The following FILIP1L variants were observed in gnomAD, a reference collection of about 807,000 sequenced individuals.
The protein encoded by FILIP1L is filamin A interacting protein 1 like.
In FILIP1L, 55 loss-of-function variants were observed where a neutral mutation model predicts 96.6. That is an observed-to-expected ratio of 0.57 (90% CI 0.46 to 0.71). The LOEUF (loss-of-function observed/expected upper bound fraction) is 0.71. Among genes scored for constraint, FILIP1L ranks in the 30% least tolerant of loss-of-function variants. The pLI is 0.00. For missense variants in FILIP1L, 1,304 were observed against 1,321.2 expected (o/e 0.99, Z 0.20); for synonymous variants, 467 against 473.9 (o/e 0.99, Z 0.19).
intron 4 of FILIP1L, among the ~76,000 whole-genome samples, chr3:99,853,119 G>A (rs1943786178): frequency 6.6e-6 from 1 of 152,194 alleles, no homozygotes; most frequent in Admixed American, 6.5e-5. Flanking sequence ...AAGCATAGCA[G>A]CTTCTTCTCA....
intron 1 of FILIP1L, among the ~76,000 whole-genome samples, chr3:99,966,408 TC>T (rs1576606652): frequency 6.6e-6 from 1 of 152,160 alleles, no homozygotes; most frequent in African/African-American, 2.4e-5. Flanking sequence ...ATTTTTTTTT[TC>T]GGCTATATAT....
At chr3:100,036,717 GA>G (rs1214691051) in intron 1 of FILIP1L, among the ~76,000 whole-genome samples, 3 of 152,118 alleles carry the variant, frequency 2.0e-5, no homozygotes, top group Admixed American at 6.5e-5. Context: ...ATATCTCAAA[GA>G]ATTTTCCACA....
intron 5 of FILIP1L, among the ~76,000 whole-genome samples, chr3:99,835,679 T>C (rs1297738860): frequency 6.6e-6 from 1 of 152,156 alleles, no homozygotes; most frequent in Non-Finnish European, 1.5e-5. Flanking sequence ...TTAAGAAACA[T>C]TGATATAAGG....
chr3:99,942,248 G>A (rs1447263717), intron 1 of FILIP1L, among the ~76,000 whole-genome samples: 2 of 151,764 alleles, frequency 1.3e-5, no homozygotes, highest in East Asian at 3.9e-4. Context: ...ATGTGTTAAT[G>A]GCATTGTGTT....
intron 1 of FILIP1L, among the ~76,000 whole-genome samples, chr3:100,094,160 A>G (rs890696468): frequency 2.0e-5 from 3 of 151,930 alleles, no homozygotes; most frequent in African/African-American, 7.3e-5. Flanking sequence ...TTTGATTTTC[A>G]TTTGCATTTC....
At position 99,974,776 on chromosome 3, in the gene FILIP1L, CAT is replaced by C. The variant is rs139173930; in HGVS notation, c.-10-43748_-10-43747del. 8.7e-3 allele frequency among the ~76,000 whole-genome samples: 1,326 copies of C among 152,150 alleles called. 20 individuals are homozygous for C. Among genetic ancestry groups the C allele is most frequent in the African/African-American group, 0.026 (1,098 of 41,498 alleles). ...GTGGAAAAAACCTGTTGTTTGATGA[CAT>C]GTAGTTAAAATTCATTTACTTATAT... On this transcript the variant is annotated intron_variant, in intron 1 of 5. Transcript: ENST00000477258.
chr3:99,870,597 G>A (rs1354804875), intron 4 of FILIP1L, among the ~76,000 whole-genome samples: 1 of 152,184 alleles, frequency 6.6e-6, no homozygotes, highest in African/African-American at 2.4e-5. Flanking sequence ...GGTATGGTGT[G>A]TGGTGAACTT....
chr3:99,936,274 C>T (rs908963019), intron 1 of FILIP1L, among the ~76,000 whole-genome samples: 1 of 148,618 alleles, frequency 6.7e-6, no homozygotes, highest in African/African-American at 2.5e-5. Context: ...TGGTAGCTAA[C>T]ATGTATTCAT....
intron 1 of FILIP1L, among the ~76,000 whole-genome samples, chr3:100,055,356 G>A (rs980878982): frequency 3.3e-5 from 5 of 152,076 alleles, no homozygotes; most frequent in Non-Finnish European, 7.4e-5. Flanking sequence ...CCATCCAGGC[G>A]ATAGAAAATC....
intron 1 of FILIP1L, among the ~76,000 whole-genome samples, chr3:100,056,436 A>T (rs1279301326): frequency 6.6e-6 from 1 of 152,240 alleles, no homozygotes; most frequent in Non-Finnish European, 1.5e-5. Context: ...TAAAATAAAT[A>T]AATTTCAGTG....
At chr3:100,051,790 A>G (rs2065378108) in intron 1 of FILIP1L, among the ~76,000 whole-genome samples, 1 of 150,936 alleles carries the variant, frequency 6.6e-6, no homozygotes, top group South Asian at 2.1e-4. Context: ...AGTCTTTGCT[A>G]TTGTGAATAG....
chr3:100,051,463 G>C (rs183697516), intron 1 of FILIP1L, among the ~76,000 whole-genome samples: 1 of 150,160 alleles, frequency 6.7e-6, no homozygotes. Context: ...TCATTAACTC[G>C]TCATTTAACA....
chr3:99,840,296 T>A (rs1010731081), intron 5 of FILIP1L, among the ~76,000 whole-genome samples: 1 of 138,914 alleles, frequency 7.2e-6, no homozygotes, highest in African/African-American at 2.7e-5. Context: ...TGATCTCAGA[T>A]CACTGCAACC....
intron 1 of FILIP1L, among the ~76,000 whole-genome samples, chr3:100,082,256 C>T (rs753417044): frequency 2.6e-5 from 4 of 152,174 alleles, no homozygotes; most frequent in Non-Finnish European, 5.9e-5. Flanking sequence ...ATCTGTTTAA[C>T]ATACTGACCT....
At chr3:99,991,337 A>G (rs1709504523) in intron 1 of FILIP1L, among the ~76,000 whole-genome samples, 1 of 152,192 alleles carries the variant, frequency 6.6e-6, no homozygotes, top group South Asian at 2.1e-4. Flanking sequence ...CACTCAGTGA[A>G]TGTCGCTGGT....
At chr3:100,057,075 G>T (rs1476058109) in intron 1 of FILIP1L, among the ~76,000 whole-genome samples, 1 of 152,170 alleles carries the variant, frequency 6.6e-6, no homozygotes, top group East Asian at 1.9e-4. Context: ...CTAATGATTG[G>T]CAGGCTCAGG....
chr3:99,838,168 G>T (rs1456208383), intron 5 of FILIP1L, among the ~76,000 whole-genome samples: 3 of 152,188 alleles, frequency 2.0e-5, no homozygotes, highest in African/African-American at 7.2e-5. Context: ...CACCTTTTGT[G>T]TTCTGAGAAC....
At chr3:100,043,850 G>A (rs757547664) in intron 1 of FILIP1L, among the ~76,000 whole-genome samples, 2 of 152,146 alleles carry the variant, frequency 1.3e-5, no homozygotes, top group African/African-American at 2.4e-5. Flanking sequence ...TTTGAAATAT[G>A]CAGTATGTTA....
At chr3:100,043,339 GTC>G in intron 1 of FILIP1L, among the ~76,000 whole-genome samples, 1 of 152,244 alleles carries the variant, frequency 6.6e-6, no homozygotes, top group Non-Finnish European at 1.5e-5. Flanking sequence ...AAGTCTCTCT[GTC>G]TCTGTTCTTT....
Sources: gnomAD v4.1 joint callset for allele counts (sites outside exome capture counted in the v4.1 genomes callset) on GRCh38, gnomAD v4.1.1 for gene constraint, MANE v1.5 for transcripts, NCBI Gene and HGNC (gene_info 2026-07-23, HGNC 2026-07-21) for gene names.